HECW2: variants seen among roughly 807,000 people sequenced by gnomAD.
The protein encoded by HECW2 is HECT, C2 and WW domain containing E3 ubiquitin protein ligase 2.
HECW2 carries 61 observed loss-of-function variants against 175.2 expected under a neutral mutation model. The observed-to-expected ratio is 0.35, with a 90% CI of 0.28 to 0.43. The LOEUF is 0.43. Ranked by LOEUF, HECW2 falls within the 20% of genes least tolerant of loss-of-function variation. The probability of loss-of-function intolerance (pLI) is 1.00; values close to 1 mark genes in which losing one functional copy is unlikely to be tolerated. For missense variants in HECW2, 1,524 were observed against 2,000.5 expected (o/e 0.76, Z 4.54); for synonymous variants, 671 against 731.0 (o/e 0.92, Z 1.32).
chr2:196,335,168 C>A (rs913369041), intron 3 of HECW2, among the ~76,000 whole-genome samples: 9 of 152,202 alleles, frequency 5.9e-5, no homozygotes, highest in Non-Finnish European at 1.2e-4. Flanking sequence ...AATCTACAAA[C>A]AACTGATGTC....
At position 196,253,942 on chromosome 2, in the gene HECW2, C is replaced by A; in HGVS notation, c.3507G>T (p.Val1169=). 1.2e-6 allele frequency: 2 copies of A among 1,614,030 alleles called. No homozygotes were observed. Among genetic ancestry groups the A allele is most frequent in the South Asian group, 2.2e-5 (2 of 91,080 alleles). The change falls in exon 19 of 29, where the codon GTG becomes GTT. Residue 1169 remains valine, a synonymous_variant. Transcript: ENST00000644978. Reference sequence around the variant, plus strand: ...CACCTGGCGAGTTCTGAGGAGATGACACGGGAGAGCCACGTGGGGACTGAC... The same window carrying A: ...CACCTGGCGAGTTCTGAGGAGATGAAACGGGAGAGCCACGTGGGGACTGAC... ...SYCQSPRGSP[V]SSPQNSPGTQ...
intron 17 of HECW2, among the ~76,000 whole-genome samples, chr2:196,261,229 T>G (rs561858391): frequency 2.1e-4 from 32 of 152,228 alleles, no homozygotes; most frequent in Non-Finnish European, 3.4e-4. Context: ...GTAATGTATA[T>G]GTAAATTACC....
intron 18 of HECW2, among the ~76,000 whole-genome samples, chr2:196,256,618 A>T (rs974072560): frequency 6.6e-6 from 1 of 152,252 alleles, no homozygotes; most frequent in African/African-American, 2.4e-5. Flanking sequence ...AGCTTTCTAT[A>T]GTGAAGAAAA....
At chr2:196,268,551 G>A (rs990563433) in intron 17 of HECW2, among the ~76,000 whole-genome samples, 1 of 152,208 alleles carries the variant, frequency 6.6e-6, no homozygotes, top group Non-Finnish European at 1.5e-5. Context: ...ATTCTGTCAA[G>A]TCATTAAAGA....
chr2:196,223,952 G>T (rs1303535548), intron 23 of HECW2, among the ~76,000 whole-genome samples: 2 of 152,138 alleles, frequency 1.3e-5, no homozygotes, highest in African/African-American at 4.8e-5. Context: ...TAAAACAGGG[G>T]TGACAAACGA....
intron 13 of HECW2, among the ~76,000 whole-genome samples, chr2:196,298,352 A>G (rs539263089): frequency 6.6e-6 from 1 of 152,280 alleles, no homozygotes; most frequent in African/African-American, 2.4e-5. Context: ...ACAATGCAAA[A>G]AAAGAAAGAA....
intron 10 of HECW2, among the ~76,000 whole-genome samples, chr2:196,309,241 A>T (rs908864548): frequency 1.3e-5 from 2 of 152,222 alleles, no homozygotes; most frequent in Admixed American, 1.3e-4. Flanking sequence ...GCTGAAGGCC[A>T]TCACCTCAGC....
At chr2:196,299,415 G>GT (rs1690947498) in intron 13 of HECW2, among the ~76,000 whole-genome samples, 3 of 151,360 alleles carry the variant, frequency 2.0e-5, no homozygotes, top group Admixed American at 2.0e-4. Flanking sequence ...AGTTATAGTT[G>GT]TAACAAACAC....
At chr2:196,402,803 ATTTT>A (rs369586280) in intron 2 of HECW2, among the ~76,000 whole-genome samples, 79 of 123,622 alleles carry the variant, frequency 6.4e-4, no homozygotes, top group African/African-American at 2.2e-3. Flanking sequence ...TGCCTTGGGA[ATTTT>A]TTTTTTTTTT....
At chr2:196,464,920 T>C (rs1014175984) in intron 1 of HECW2, among the ~76,000 whole-genome samples, 1 of 152,080 alleles carries the variant, frequency 6.6e-6, no homozygotes, top group African/African-American at 2.4e-5. Flanking sequence ...CGCACACCTA[T>C]AATCCCAGCT....
chr2:196,270,656 C>A (rs1220617466), intron 17 of HECW2, among the ~76,000 whole-genome samples: 1 of 151,066 alleles, frequency 6.6e-6, no homozygotes, highest in Non-Finnish European at 1.5e-5. Context: ...TTTCATATTT[C>A]GTTTTTTAAA....
At chr2:196,344,393 C>T (rs1204404062) in intron 2 of HECW2, among the ~76,000 whole-genome samples, 1 of 148,634 alleles carries the variant, frequency 6.7e-6, no homozygotes, top group African/African-American at 2.5e-5. Context: ...GAACAGTGAT[C>T]CCCCCAAAAG....
chr2:196,490,605 A>T (rs925730763), intron 1 of HECW2, among the ~76,000 whole-genome samples: 1 of 152,214 alleles, frequency 6.6e-6, no homozygotes, highest in African/African-American at 2.4e-5. Context: ...CTAGATATCT[A>T]TCCAAGAGAA....
At chr2:196,461,115 A>G (rs1051922597) in intron 1 of HECW2, among the ~76,000 whole-genome samples, 13 of 152,144 alleles carry the variant, frequency 8.5e-5, no homozygotes, top group Non-Finnish European at 1.2e-4. Flanking sequence ...GATGGGTAAT[A>G]ACAAAAAGAA....
chr2:196,490,287 CCT>C lies in HECW2; in HGVS notation c.-35-56831_-35-56830del, dbSNP rs1687141381. ...AAAGAGGGGTTATTCAAAGGTTGTC[CCT>C]CTTTCCCTCCATTTTATTTTCTCTC... is the stretch of plus-strand genomic sequence containing the variant. On this transcript the variant is annotated intron_variant, in intron 1 of 28. Transcript: ENST00000644978. 2.0e-5 allele frequency among the ~76,000 whole-genome samples: 3 copies of C among 152,066 alleles called. No individual in the cohort carries two copies. In the South Asian group the frequency reaches 6.3e-4, roughly 32 times the overall value.
intron 1 of HECW2, among the ~76,000 whole-genome samples, chr2:196,534,918 A>AATGGAG (rs146785037): frequency 7.4e-4 from 113 of 152,304 alleles, no homozygotes; most frequent in African/African-American, 2.7e-3. Context: ...TCCACATCTT[A>AATGGAG]ATGGAGAAAT....
chr2:196,451,105 A>G (rs2125307452), intron 1 of HECW2, among the ~76,000 whole-genome samples: 1 of 152,300 alleles, frequency 6.6e-6, no homozygotes, highest in African/African-American at 2.4e-5. Flanking sequence ...TACATTCAAC[A>G]AGCTGAAAGT....
chr2:196,537,920 ACT>A (rs1689074276), intron 1 of HECW2, among the ~76,000 whole-genome samples: 1 of 152,008 alleles, frequency 6.6e-6, no homozygotes, highest in South Asian at 2.1e-4. Context: ...GGAACCTCCT[ACT>A]CTGTCTGTGG....
In HECW2 at chr2:196,318,693, G is replaced by C. The variant is rs1197026665; in HGVS notation, c.2197C>G (p.Leu733Val). The change falls in exon 9 of 29, where the codon CTG (leucine) becomes GTG (valine). Residue 733 changes from leucine to valine, a missense_variant. This residue lies in a region of HECW2 where 604 missense variants were observed against 588.3 expected (regional missense o/e 1.03). Transcript: ENST00000644978. ...CCCCTCCGCTGCCAGACCTCCCCCAGCTCCTCCTGGTCAGGTACAGTGGCC... is the reference window on the plus strand; with the variant it reads ...CCCCTCCGCTGCCAGACCTCCCCCACCTCCTCCTGGTCAGGTACAGTGGCC... ...ESATVPDQEE[L>V]GEVWQRRGSL... 1.9e-6 allele frequency: 3 copies of C among 1,590,532 alleles called. No individual in the cohort carries two copies. The South Asian group carries it at 3.4e-5, about 18-fold the overall frequency.
Sources: allele counts gnomAD v4.1 joint callset (sites outside exome capture counted in the v4.1 genomes callset), GRCh38; gene constraint gnomAD v4.1.1; regional missense constraint gnomAD v4.1.1; transcripts MANE v1.5; gene names NCBI Gene and HGNC (gene_info 2026-07-23, HGNC 2026-07-21).